The following ATP2B2 variants were observed in gnomAD, a reference collection of about 807,000 sequenced individuals.
ATP2B2 encodes plasma membrane calcium-transporting ATPase 2.
A neutral mutation model predicts 120.0 loss-of-function variants in ATP2B2; 15 were observed. The ratio of observed to expected loss-of-function variants is 0.12; its 90% CI spans 0.08 to 0.19. The LOEUF is 0.19. Ranked by LOEUF, ATP2B2 falls within the 10% of genes least tolerant of loss-of-function variation. The pLI, the probability that ATP2B2 is intolerant of heterozygous loss-of-function variation, is 1.00. For missense variants in ATP2B2, 1,045 were observed against 1,719.8 expected (o/e 0.61, Z 6.94); for synonymous variants, 694 against 700.3 (o/e 0.99, Z 0.14).
intron 1 of ATP2B2, among the ~76,000 whole-genome samples, chr3:10,482,836 C>T (rs924643700): frequency 2.0e-5 from 3 of 152,250 alleles, no homozygotes; most frequent in African/African-American, 7.2e-5. Flanking sequence ...CCCAGGCCTG[C>T]CACCGCTCCC....
Position 10,343,714 on chromosome 3 carries a change from C to T in ATP2B2, c.2704-749G>A, listed in dbSNP as rs917517298. On this transcript the variant is annotated intron_variant, in intron 18 of 22. Coordinates refer to ENST00000360273, the MANE Select transcript of ATP2B2 (RefSeq NM_001001331.4). This position sits in a 1 kb window ranked among gnomAD's most constrained non-coding sequence, Gnocchi z 4.2. ...CCACGTTCCCAGAATGCCCTCCGCC[C>T]ACGTCACCAGCACCTTCTGTGCCAC... Among the ~76,000 whole-genome samples the T allele has an allele frequency of 3.9e-5, 6 of 152,152 alleles. No homozygotes were observed. The highest frequency in any genetic ancestry group is 3.3e-4 in the Admixed American group (5 of 15,292).
At chr3:10,696,290 CA>C (rs748554010) in intron 1 of ATP2B2, among the ~76,000 whole-genome samples, 89 of 152,318 alleles carry the variant, frequency 5.8e-4, no homozygotes, top group Admixed American at 2.5e-3. Flanking sequence ...GGCATAATTG[CA>C]GTGTTCCTGC....
intron 2 of ATP2B2, among the ~76,000 whole-genome samples, chr3:10,551,861 G>T (rs763272489): frequency 1.6e-4 from 24 of 152,178 alleles, no homozygotes; most frequent in Non-Finnish European, 3.1e-4. Flanking sequence ...GCTTCTTCCT[G>T]GGCTGTGGGA....
chr3:10,537,549 T>C (rs1575472814), intron 2 of ATP2B2, among the ~76,000 whole-genome samples: 1 of 152,258 alleles, frequency 6.6e-6, no homozygotes, highest in African/African-American at 2.4e-5. Flanking sequence ...CCTGTAACTT[T>C]CCTGAACTCA....
chr3:10,618,623 C>T (rs1422163636), intron 2 of ATP2B2, among the ~76,000 whole-genome samples: 1 of 152,160 alleles, frequency 6.6e-6, no homozygotes, highest in Non-Finnish European at 1.5e-5. Flanking sequence ...CCAGCATCAC[C>T]TTTTGCTTTT....
intron 2 of ATP2B2, among the ~76,000 whole-genome samples, chr3:10,538,121 C>T (rs890122614): frequency 1.3e-5 from 2 of 152,138 alleles, no homozygotes; most frequent in African/African-American, 4.8e-5. Flanking sequence ...TTGTCTTTGT[C>T]TGGTTTTGAT....
At chr3:10,649,197 C>T (rs769854144) in intron 1 of ATP2B2, among the ~76,000 whole-genome samples, 17 of 152,208 alleles carry the variant, frequency 1.1e-4, no homozygotes, top group Non-Finnish European at 1.8e-4. Context: ...GTGTGAGCTA[C>T]CACATCTGGC....
chr3:10,445,600 C>A (rs1421001932), intron 2 of ATP2B2, among the ~76,000 whole-genome samples: 3 of 152,262 alleles, frequency 2.0e-5, no homozygotes, highest in African/African-American at 7.2e-5. Context: ...GAGCCACACC[C>A]TGAGCTGGCT....
chr3:10,671,007 A>G (rs2071081175), intron 1 of ATP2B2, among the ~76,000 whole-genome samples: 2 of 152,224 alleles, frequency 1.3e-5, no homozygotes, highest in African/African-American at 4.8e-5. Context: ...AGGGTGTATC[A>G]GATGACTTCG....
At chr3:10,598,707 C>G (rs184024956) in intron 2 of ATP2B2, among the ~76,000 whole-genome samples, 1 of 152,162 alleles carries the variant, frequency 6.6e-6, no homozygotes, top group Non-Finnish European at 1.5e-5. Flanking sequence ...AACAAGGAAG[C>G]GAGCAAACAC....
intron 12 of ATP2B2, among the ~76,000 whole-genome samples, chr3:10,367,029 C>T (rs2061080857): frequency 6.6e-6 from 1 of 152,226 alleles, no homozygotes; most frequent in Admixed American, 6.5e-5. Flanking sequence ...AGCCTGCAGC[C>T]TCAGCCCTCA....
At chr3:10,656,063 G>T (rs1220277063) in intron 1 of ATP2B2, among the ~76,000 whole-genome samples, 1 of 152,320 alleles carries the variant, frequency 6.6e-6, no homozygotes, top group East Asian at 1.9e-4. Context: ...GGTGGGGAAA[G>T]GTCTGTCCTG....
intron 1 of ATP2B2, among the ~76,000 whole-genome samples, chr3:10,464,670 C>T (rs1033839691): frequency 2.0e-5 from 3 of 152,318 alleles, no homozygotes; most frequent in African/African-American, 7.2e-5. Context: ...CCACTTAAGT[C>T]GTTCTCTGGC....
intron 2 of ATP2B2, among the ~76,000 whole-genome samples, chr3:10,431,863 GA>G (rs981809394): frequency 6.6e-6 from 1 of 152,116 alleles, no homozygotes; most frequent in African/African-American, 2.4e-5. Context: ...CTGGCACCCT[GA>G]AACCCCACAA....
At chr3:10,393,363 G>A (rs1180810853) in intron 5 of ATP2B2, among the ~76,000 whole-genome samples, 1 of 152,174 alleles carries the variant, frequency 6.6e-6, no homozygotes, top group Non-Finnish European at 1.5e-5. Context: ...GTATTTTTGG[G>A]TGGAGGGGGA....
intron 1 of ATP2B2, among the ~76,000 whole-genome samples, chr3:10,633,090 G>A (rs1426445285): frequency 6.6e-6 from 1 of 152,232 alleles, no homozygotes; most frequent in Admixed American, 6.5e-5. Context: ...CAGGGGCCCT[G>A]AGCCATGTGG....
At chr3:10,530,457 C>T (rs1255162457) in intron 3 of ATP2B2, among the ~76,000 whole-genome samples, 1 of 152,222 alleles carries the variant, frequency 6.6e-6, no homozygotes, top group East Asian at 1.9e-4. Flanking sequence ...GCTTCCTCCC[C>T]AAGTGAGGCC....
chr3:10,695,904 C>T (rs2125716659), intron 1 of ATP2B2, among the ~76,000 whole-genome samples: 1 of 152,210 alleles, frequency 6.6e-6, no homozygotes, highest in East Asian at 1.9e-4. Flanking sequence ...TCCCACAAGA[C>T]AGATCTGAAA....
chr3:10,358,697 C>T lies in ATP2B2; in HGVS notation c.2130G>A (p.Arg710=). ...CGCTGGCCCTGGGGCCTACCTCTGGCCGCACCGGGTCCTCGATGCCCACCA... is the reference window on the plus strand; with the variant it reads ...CGCTGGCCCTGGGGCCTACCTCTGGTCGCACCGGGTCCTCGATGCCCACCA... ...ICVVGIEDPV[R]PEVPEAIRKC... The change falls in exon 14 of 23, where the codon CGG becomes CGA. Residue 710 remains arginine, a synonymous_variant. Coordinates refer to ENST00000360273, the MANE Select transcript of ATP2B2 (RefSeq NM_001001331.4). The T allele has an allele frequency of 1.2e-6, 2 of 1,614,164 alleles. No individual in the cohort carries two copies. The highest frequency in any genetic ancestry group is 1.7e-6 in the Non-Finnish European group (2 of 1,180,016).
Sources: allele counts gnomAD v4.1 joint callset (sites outside exome capture counted in the v4.1 genomes callset), GRCh38; gene constraint gnomAD v4.1.1; non-coding constraint Gnocchi (gnomAD v3.1); transcripts MANE v1.5; gene names NCBI Gene and HGNC (gene_info 2026-07-23, HGNC 2026-07-21).